The following RBFOX1 variants were observed in gnomAD, a reference collection of about 807,000 sequenced individuals.
The protein encoded by RBFOX1 is RNA binding protein fox-1 homolog 1.
Under a neutral mutation model 57.7 loss-of-function variants are expected in RBFOX1, and 8 were observed. The ratio of observed to expected loss-of-function variants is 0.14; its 90% CI spans 0.08 to 0.25. The LOEUF is 0.25. Ranked by LOEUF, RBFOX1 falls within the 10% of genes least tolerant of loss-of-function variation. The pLI, the probability that RBFOX1 is intolerant of heterozygous loss-of-function variation, is 1.00. For synonymous variants in RBFOX1, 326 were observed against 222.4 expected (o/e 1.47, Z -4.15); for missense variants, 611 against 548.5 (o/e 1.11, Z -1.14).
chr16:6,966,628 A>T (rs890012087), intron 3 of RBFOX1, among the ~76,000 whole-genome samples: 2 of 152,176 alleles, frequency 1.3e-5, no homozygotes, highest in African/African-American at 4.8e-5. Flanking sequence ...GTCACAGAGC[A>T]AGAGGCAAGG....
chr16:6,378,431 T>C (rs897442293), intron 2 of RBFOX1, among the ~76,000 whole-genome samples: 1 of 152,200 alleles, frequency 6.6e-6, no homozygotes, highest in Non-Finnish European at 1.5e-5. Flanking sequence ...GCAGCACCGA[T>C]GGAGGTTGTT....
intron 2 of RBFOX1, among the ~76,000 whole-genome samples, chr16:6,361,355 C>T (rs555488187): frequency 2.3e-4 from 35 of 152,142 alleles, no homozygotes; most frequent in East Asian, 1.9e-3. Context: ...CTGGGCCAGG[C>T]GCGGTGGCTC....
chr16:7,139,150 A>C (rs2072887802), intron 4 of RBFOX1, among the ~76,000 whole-genome samples: 1 of 120,582 alleles, frequency 8.3e-6, no homozygotes, highest in Non-Finnish European at 1.8e-5. Flanking sequence ...CATCTCTTTT[A>C]TAATGCAGAT....
intron 2 of RBFOX1, among the ~76,000 whole-genome samples, chr16:5,533,642 G>C (rs905174584): frequency 6.6e-6 from 1 of 152,182 alleles, no homozygotes; most frequent in African/African-American, 2.4e-5. Context: ...GATGAAGATT[G>C]ATTTTAAAGT....
At chr16:7,330,206 T>A (rs2096666097) in intron 4 of RBFOX1, among the ~76,000 whole-genome samples, 1 of 152,094 alleles carries the variant, frequency 6.6e-6, no homozygotes, top group Non-Finnish European at 1.5e-5. Flanking sequence ...GTCCCTGATA[T>A]AAAATGGCCT....
intron 2 of RBFOX1, among the ~76,000 whole-genome samples, chr16:6,429,523 G>T (rs2094018938): frequency 6.6e-6 from 1 of 152,112 alleles, no homozygotes; most frequent in Non-Finnish European, 1.5e-5. Context: ...TTTGTTCCTT[G>T]TTCAATAAAT....
In RBFOX1 at chr16:6,936,637, G is replaced by T. The variant is rs138541231; in HGVS notation, c.-15-115420G>T. 8.1e-3 allele frequency among the ~76,000 whole-genome samples: 1,239 copies of T among 152,162 alleles called. 25 individuals carry two copies. Among genetic ancestry groups the T allele is most frequent in the African/African-American group, 0.029 (1,200 of 41,500 alleles). ...AAAATATTCACAGAAGCACTATAAG[G>T]TAATTATGACTATGACCGCTATTTC... On this transcript the variant is annotated intron_variant, in intron 3 of 15. Transcript: ENST00000550418.
chr16:6,461,829 T>C (rs149373094), intron 2 of RBFOX1, among the ~76,000 whole-genome samples: 1 of 152,326 alleles, frequency 6.6e-6, no homozygotes, highest in African/African-American at 2.4e-5. Context: ...TAAAAGGACA[T>C]ATGCAATTAT....
intron 14 of RBFOX1, among the ~76,000 whole-genome samples, chr16:7,682,129 T>C (rs1410366141): frequency 6.6e-6 from 1 of 152,174 alleles, no homozygotes; most frequent in Non-Finnish European, 1.5e-5. Flanking sequence ...TTTAAAAAGA[T>C]TTATAAAATT....
chr16:6,848,803 C>A (rs909447908), intron 3 of RBFOX1, among the ~76,000 whole-genome samples: 1 of 152,146 alleles, frequency 6.6e-6, no homozygotes, highest in Non-Finnish European at 1.5e-5. Flanking sequence ...GAAAGTTTCA[C>A]ACTCATGGAG....
At chr16:6,574,156 C>A (rs986817040) in intron 2 of RBFOX1, among the ~76,000 whole-genome samples, 11 of 152,080 alleles carry the variant, frequency 7.2e-5, no homozygotes, top group African/African-American at 2.7e-4. Context: ...TCTGGCCTTG[C>A]GATATATTAT....
At chr16:6,501,640 A>G (rs975957271) in intron 2 of RBFOX1, among the ~76,000 whole-genome samples, 2 of 152,082 alleles carry the variant, frequency 1.3e-5, no homozygotes, top group Non-Finnish European at 2.9e-5. Context: ...ATGATTTAGA[A>G]TCCAAACATT....
chr16:7,046,804 C>T (rs2048126763), intron 3 of RBFOX1, among the ~76,000 whole-genome samples: 1 of 151,872 alleles, frequency 6.6e-6, no homozygotes, highest in Admixed American at 6.6e-5. Flanking sequence ...CGGGGTTTTG[C>T]TGTGTTGACC....
chr16:7,073,656 C>A lies in RBFOX1; in HGVS notation c.27+21558C>A, dbSNP rs372225544. On this transcript the variant is annotated intron_variant, in intron 4 of 15. Transcript: ENST00000550418. ...CCCAAGACTTCAAGACCGGCCTGGG[C>A]ACCATGGCAAAACCCCTTCTCTACA... 1.2e-4 allele frequency among the ~76,000 whole-genome samples: 18 copies of A among 151,840 alleles called. No homozygotes were observed. The East Asian group carries it at 2.5e-3, about 21-fold the overall frequency.
intron 1 of RBFOX1, among the ~76,000 whole-genome samples, chr16:5,242,972 G>C (rs544155004): frequency 6.7e-6 from 1 of 148,462 alleles, no homozygotes; most frequent in African/African-American, 2.5e-5. Context: ...ATGTGATTAT[G>C]GTGGGGACGT....
At chr16:6,372,899 G>C (rs2152897299) in intron 2 of RBFOX1, among the ~76,000 whole-genome samples, 1 of 151,614 alleles carries the variant, frequency 6.6e-6, no homozygotes, top group East Asian at 2.0e-4. Flanking sequence ...AGTATAGTTG[G>C]ATGGAAGCGT....
chr16:6,405,542 G>A (rs1481949653), intron 2 of RBFOX1, among the ~76,000 whole-genome samples: 1 of 152,126 alleles, frequency 6.6e-6, no homozygotes, highest in East Asian at 1.9e-4. Flanking sequence ...TCCATGCTTA[G>A]GCCTGCAAGT....
At chr16:7,098,925 G>A (rs889624052) in intron 4 of RBFOX1, among the ~76,000 whole-genome samples, 1 of 152,140 alleles carries the variant, frequency 6.6e-6, no homozygotes. Flanking sequence ...TGTTACTAGT[G>A]CCTGAGGTTG....
chr16:7,419,169 A>T (rs1040170227), intron 4 of RBFOX1, among the ~76,000 whole-genome samples: 1 of 152,112 alleles, frequency 6.6e-6, no homozygotes, highest in Non-Finnish European at 1.5e-5. Flanking sequence ...TGGCCTCCCA[A>T]AGTGCTGGGA....
Sources: allele counts gnomAD v4.1 joint callset (sites outside exome capture counted in the v4.1 genomes callset), GRCh38; gene constraint gnomAD v4.1.1; transcripts MANE v1.5; gene names NCBI Gene and HGNC (gene_info 2026-07-23, HGNC 2026-07-21).